Variants in NAV3 observed in about 807,000 individuals in gnomAD.
NAV3 encodes the protein neuron navigator 3.
In NAV3, 87 loss-of-function variants were observed where a neutral mutation model predicts 244.7. That is an observed-to-expected ratio of 0.36 (90% CI 0.30 to 0.42). The LOEUF is 0.42. Ranked by LOEUF, NAV3 falls within the 20% of genes least tolerant of loss-of-function variation. The pLI is 1.00. For synonymous variants in NAV3, 1,126 were observed against 1,042.2 expected (o/e 1.08, Z -1.55); for missense variants, 2,663 against 2,893.3 (o/e 0.92, Z 1.83).
At chr12:77,667,649 C>T (rs1230018561) in intron 2 of NAV3, among the ~76,000 whole-genome samples, 2 of 152,102 alleles carry the variant, frequency 1.3e-5, no homozygotes, top group Non-Finnish European at 2.9e-5. Flanking sequence ...CCTGCCCCAA[C>T]CTGGTAGTCT....
intron 2 of NAV3, among the ~76,000 whole-genome samples, chr12:77,659,115 T>A (rs1423528788): frequency 2.2e-4 from 34 of 151,840 alleles, no homozygotes; most frequent in Admixed American, 2.0e-3. Context: ...AAATGGGATC[T>A]AATTAAACTA....
At chr12:77,654,839 A>C (rs528799852) in intron 2 of NAV3, among the ~76,000 whole-genome samples, 1 of 151,386 alleles carries the variant, frequency 6.6e-6, no homozygotes, top group South Asian at 2.1e-4. Flanking sequence ...GCTAATACCC[A>C]GGCAAACAGG....
chr12:77,662,411 C>G (rs1430769887), intron 2 of NAV3, among the ~76,000 whole-genome samples: 1 of 151,872 alleles, frequency 6.6e-6, no homozygotes, highest in Non-Finnish European at 1.5e-5. Context: ...TCAGATTATT[C>G]AAAGTATATA....
intron 18 of NAV3, among the ~76,000 whole-genome samples, chr12:78,133,141 A>G (rs1367564415): frequency 6.6e-6 from 1 of 152,128 alleles, no homozygotes; most frequent in Non-Finnish European, 1.5e-5. Flanking sequence ...AAGGTATAAA[A>G]GAAGATATTC....
At chr12:77,991,988 G>A (rs757236621) in intron 5 of NAV3, among the ~76,000 whole-genome samples, 14 of 151,520 alleles carry the variant, frequency 9.2e-5, no homozygotes, top group South Asian at 2.1e-4. Flanking sequence ...CCGAGATTAC[G>A]CCACTGCACT....
chr12:78,073,081 T>C lies in NAV3; in HGVS notation c.2636+13966T>C, dbSNP rs1413922170. On this transcript the variant is annotated intron_variant, in intron 12 of 39. Transcript: ENST00000397909. ...TATGACAAACCCACAGCCAATATCATACTGAATGGGCAAAAACTGGAAGCA... is the reference window on the plus strand; with the variant it reads ...TATGACAAACCCACAGCCAATATCACACTGAATGGGCAAAAACTGGAAGCA... Among the ~76,000 whole-genome samples, 7 of 130,604 alleles carry C rather than the reference T, an allele frequency of 5.4e-5. No individual in the cohort carries two copies. In the South Asian group the frequency reaches 1.7e-3, roughly 32 times the overall value. 85.7% of individuals were successfully genotyped at this position (130,604 alleles called of 152,430 possible). A position where few individuals can be genotyped will look rare whatever the true frequency, so the allele number is the denominator to read the frequency against.
At chr12:77,860,953 A>T (rs913546120) in intron 1 of NAV3, among the ~76,000 whole-genome samples, 1 of 151,960 alleles carries the variant, frequency 6.6e-6, no homozygotes, top group Non-Finnish European at 1.5e-5. Flanking sequence ...TACAATATTC[A>T]TATGGTGTAT....
chr12:77,737,472 A>G (rs1416153402), intron 2 of NAV3, among the ~76,000 whole-genome samples: 3 of 151,808 alleles, frequency 2.0e-5, no homozygotes, highest in Non-Finnish European at 2.9e-5. Flanking sequence ...TTTTTCTTCC[A>G]GGGGATATAG....
chr12:77,739,348 A>T (rs1868286716), intron 2 of NAV3, among the ~76,000 whole-genome samples: 1 of 152,240 alleles, frequency 6.6e-6, no homozygotes, highest in Non-Finnish European at 1.5e-5. Flanking sequence ...TCTTAAAATA[A>T]AGGCATTATA....
chr12:77,913,084 A>G (rs545699791), intron 1 of NAV3, among the ~76,000 whole-genome samples: 1 of 152,032 alleles, frequency 6.6e-6, no homozygotes, highest in African/African-American at 2.4e-5. Context: ...CATGAAAAAA[A>G]TGCATGGTGA....
intron 2 of NAV3, among the ~76,000 whole-genome samples, chr12:77,597,346 C>T (rs1870216705): frequency 6.6e-6 from 1 of 152,094 alleles, no homozygotes; most frequent in Non-Finnish European, 1.5e-5. Context: ...GCTTCTAGGC[C>T]TGTCTCTTCC....
rs1026578814 is a variant in NAV3 at position 77,678,839 on chromosome 12, CAGA to C, written c.72+106576_72+106578del. The stretch of plus-strand genomic sequence containing the variant: ...AATCCCAGAGCGATCAGAAGGAAGA[CAGA>C]AGGACAGAGAGGAAAGAGAGGAGAA... On this transcript the variant is annotated intron_variant, in intron 2 of 8. Coordinates refer to the NAV3 transcript ENST00000550042. Among the ~76,000 whole-genome samples, 63 of 152,154 alleles carry C rather than the reference CAGA, an allele frequency of 4.1e-4. 1 individual carries two copies. The highest frequency in any genetic ancestry group is 1.3e-3 in the African/African-American group (56 of 41,502).
At chr12:77,987,008 C>G (rs1354305629) in intron 5 of NAV3, among the ~76,000 whole-genome samples, 2 of 152,218 alleles carry the variant, frequency 1.3e-5, no homozygotes, top group East Asian at 3.9e-4. Context: ...GCTTGTAAGA[C>G]TATGAGAATA....
At chr12:77,917,389 A>T (rs1352299108) in intron 1 of NAV3, among the ~76,000 whole-genome samples, 3 of 152,010 alleles carry the variant, frequency 2.0e-5, no homozygotes, top group Admixed American at 2.0e-4. Flanking sequence ...ACTATTGATA[A>T]CCTTTTCAGA....
chr12:77,662,899 G>A (rs1400682311), intron 2 of NAV3, among the ~76,000 whole-genome samples: 1 of 152,062 alleles, frequency 6.6e-6, no homozygotes, highest in Non-Finnish European at 1.5e-5. Context: ...TTCCCCAGAG[G>A]ATGAGTATTT....
intron 2 of NAV3, among the ~76,000 whole-genome samples, chr12:77,642,671 C>A (rs542376516): frequency 5.3e-5 from 8 of 152,090 alleles, no homozygotes; most frequent in Non-Finnish European, 1.2e-4. Context: ...AAAAGAAACT[C>A]CTCCAGAAGG....
intron 2 of NAV3, among the ~76,000 whole-genome samples, chr12:77,670,606 A>G (rs1873926072): frequency 6.6e-6 from 1 of 152,192 alleles, no homozygotes; most frequent in Non-Finnish European, 1.5e-5. Context: ...ACTGGGTTTC[A>G]TACTAGGGAT....
At position 78,050,767 on chromosome 12, in the gene NAV3, C is replaced by T. The variant is rs2137244001; in HGVS notation, c.2136C>T (p.Thr712=). The T allele has an allele frequency of 6.3e-7, 1 of 1,591,288 alleles. No individual in the cohort carries two copies. Residue 712 remains threonine, a synonymous_variant, in exon 11 of 40, where the codon ACC becomes ACT. Coordinates refer to ENST00000397909, the MANE Select transcript of NAV3 (RefSeq NM_001024383.2). The part of the protein sequence containing the change: ...SLRGTQISHS[T]LETTFDSTVT... ...ATTTCTCCATTTTATTTGACAGCAC[C>T]CTGGAGACAACATTTGACAGCACTG...
intron 4 of NAV3, among the ~76,000 whole-genome samples, chr12:77,967,552 C>T (rs1013459220): frequency 6.6e-6 from 1 of 152,028 alleles, no homozygotes; most frequent in Non-Finnish European, 1.5e-5. Context: ...TCCTAAACTC[C>T]AAAAGGGGAC....
Sources: gnomAD v4.1 joint callset for allele counts (sites outside exome capture counted in the v4.1 genomes callset) on GRCh38, gnomAD v4.1.1 for gene constraint, MANE v1.5 for transcripts, NCBI Gene and HGNC (gene_info 2026-07-23, HGNC 2026-07-21) for gene names.